Variants in RAB38 observed in about 807,000 individuals in gnomAD.
The protein encoded by RAB38 is RAB38, member RAS oncogene family, also known as ras-related protein Rab-38.
Under a neutral mutation model 18.4 loss-of-function variants are expected in RAB38, and 15 were observed. That is an observed-to-expected ratio of 0.82 (90% CI 0.55 to 1.26). The LOEUF (loss-of-function observed/expected upper bound fraction) is 1.26. Among genes scored for constraint, RAB38 ranks in the 50% most tolerant of loss-of-function variants. The probability of loss-of-function intolerance (pLI) is 0.00; values close to 1 mark genes in which losing one functional copy is unlikely to be tolerated. For missense variants in RAB38, 294 were observed against 267.4 expected (o/e 1.10, Z -0.69); for synonymous variants, 101 against 104.4 (o/e 0.97, Z 0.20).
the RAB38 span, among the ~76,000 whole-genome samples, chr11:87,899,634 C>T: frequency 6.6e-6 from 1 of 151,536 alleles, no homozygotes; most frequent in South Asian, 2.1e-4. Flanking sequence ...ACCCCAATGT[C>T]CTAAAGATAG....
the RAB38 span, among the ~76,000 whole-genome samples, chr11:88,028,299 G>A: frequency 6.6e-6 from 1 of 152,090 alleles, no homozygotes; most frequent in African/African-American, 2.4e-5. Context: ...CAGAAAAACT[G>A]GAAACTCTAA....
chr11:88,086,767 C>G, the RAB38 span, among the ~76,000 whole-genome samples: 3 of 151,886 alleles, frequency 2.0e-5, no homozygotes, highest in Non-Finnish European at 4.4e-5. Context: ...ATTATCCCCT[C>G]TAGGAGTGTC....
the RAB38 span, among the ~76,000 whole-genome samples, chr11:87,862,229 A>G: frequency 1.3e-5 from 2 of 152,014 alleles, no homozygotes; most frequent in Admixed American, 6.6e-5. Flanking sequence ...TTGCAGCCCT[A>G]TTCACAATAG....
the RAB38 span, among the ~76,000 whole-genome samples, chr11:87,861,212 G>A: frequency 0.032 from 4,849 of 151,966 alleles, 240 homozygotes; most frequent in African/African-American, 0.11. Context: ...GAAGATGGAT[G>A]CTTAACAGCA....
chr11:88,157,829 C>T (rs995719742), intron 1 of RAB38, among the ~76,000 whole-genome samples: 2 of 151,892 alleles, frequency 1.3e-5, no homozygotes, highest in African/African-American at 4.8e-5. Context: ...CTCTGGTATG[C>T]TGTTAACAGG....
the RAB38 span, among the ~76,000 whole-genome samples, chr11:87,811,558 G>T: frequency 1.3e-5 from 2 of 151,910 alleles, no homozygotes; most frequent in Non-Finnish European, 2.9e-5. Flanking sequence ...CCTCTATTTG[G>T]AATATTTACT....
the RAB38 span, among the ~76,000 whole-genome samples, chr11:87,973,347 A>G: frequency 2.0e-4 from 30 of 152,224 alleles, no homozygotes; most frequent in South Asian, 5.6e-3. Flanking sequence ...GAATAGCTGC[A>G]TAAGACTTGC....
chr11:88,062,305 C>A, the RAB38 span, among the ~76,000 whole-genome samples: 35 of 152,178 alleles, frequency 2.3e-4, no homozygotes, highest in Admixed American at 3.9e-4. Context: ...TCCTCCTTCA[C>A]ATACACTCCT....
At chr11:88,023,034 A>T in the RAB38 span, among the ~76,000 whole-genome samples, 1 of 152,148 alleles carries the variant, frequency 6.6e-6, no homozygotes, top group Non-Finnish European at 1.5e-5. Context: ...AGGATCAGGA[A>T]AAAGAACTAA....
At chr11:87,862,798 T>TA in the RAB38 span, among the ~76,000 whole-genome samples, 1 of 151,872 alleles carries the variant, frequency 6.6e-6, no homozygotes, top group Non-Finnish European at 1.5e-5. Flanking sequence ...AAAGATAGAC[T>TA]AAATGGCCGG....
At chr11:87,899,388 T>A in the RAB38 span, among the ~76,000 whole-genome samples, 1 of 151,652 alleles carries the variant, frequency 6.6e-6, no homozygotes, top group Non-Finnish European at 1.5e-5. Flanking sequence ...GGCAAAAACT[T>A]AACTCCTCTA....
In RAB38 at chr11:88,132,585, GT is replaced by G. The variant is rs1224459817; in HGVS notation, c.483+17089del. Reference sequence around the variant, plus strand: ...TGATTCTCCTGCCTCAGCCTCACGAGTAGCTGGGATTACAAGCATGCGCCAC... The same window carrying G: ...TGATTCTCCTGCCTCAGCCTCACGAGAGCTGGGATTACAAGCATGCGCCAC... On this transcript the variant is annotated intron_variant, in intron 2 of 2. Transcript: ENST00000243662. Among the ~76,000 whole-genome samples, 10 of 152,284 alleles carry G rather than the reference GT, an allele frequency of 6.6e-5. No homozygotes were observed. In the East Asian group the frequency reaches 1.7e-3, roughly 26 times the overall value.
At chr11:87,911,457 T>C in the RAB38 span, among the ~76,000 whole-genome samples, 20 of 152,182 alleles carry the variant, frequency 1.3e-4, no homozygotes, top group Admixed American at 1.2e-3. Context: ...CACAAGGTTT[T>C]TATTGTCTTT....
intron 1 of RAB38, among the ~76,000 whole-genome samples, chr11:88,155,227 G>T (rs1480260649): frequency 6.6e-6 from 1 of 152,184 alleles, no homozygotes; most frequent in Non-Finnish European, 1.5e-5. Flanking sequence ...CAATCCCCTT[G>T]GCTAAGCAGG....
intron 1 of RAB38, among the ~76,000 whole-genome samples, chr11:88,154,309 T>C (rs967536740): frequency 6.6e-6 from 1 of 152,188 alleles, no homozygotes; most frequent in African/African-American, 2.4e-5. Context: ...GAGCACTCAC[T>C]CTAGAGCTGC....
At chr11:87,912,511 T>C in the RAB38 span, among the ~76,000 whole-genome samples, 1 of 151,932 alleles carries the variant, frequency 6.6e-6, no homozygotes. Context: ...CTTATTACTC[T>C]TTTAATATTT....
At chr11:88,140,189 T>G (rs573196290) in intron 2 of RAB38, among the ~76,000 whole-genome samples, 2 of 152,298 alleles carry the variant, frequency 1.3e-5, no homozygotes, top group Non-Finnish European at 2.9e-5. Flanking sequence ...TCCCTCACCT[T>G]CATTTTTCTT....
the RAB38 span, among the ~76,000 whole-genome samples, chr11:87,840,794 A>G: frequency 6.6e-6 from 1 of 152,232 alleles, no homozygotes; most frequent in African/African-American, 2.4e-5. Context: ...ACACACCTCT[A>G]TATAGGGTGG....
the RAB38 span, among the ~76,000 whole-genome samples, chr11:88,033,909 A>T: frequency 6.6e-6 from 1 of 151,764 alleles, no homozygotes; most frequent in Admixed American, 6.6e-5. Context: ...TTGTATTTTT[A>T]GTAGAGACAG....
Sources: gnomAD v4.1 joint callset for allele counts (sites outside exome capture counted in the v4.1 genomes callset) on GRCh38, gnomAD v4.1.1 for gene constraint, MANE v1.5 for transcripts, NCBI Gene and HGNC (gene_info 2026-07-23, HGNC 2026-07-21) for gene names.